The following PAQR3 variants were observed in gnomAD, a reference collection of about 807,000 sequenced individuals.
PAQR3 encodes progestin and adipoQ receptor family member 3.
Under a neutral mutation model 41.7 loss-of-function variants are expected in PAQR3, and 39 were observed. That is an observed-to-expected ratio of 0.93 (90% CI 0.72 to 1.22). PAQR3 has a LOEUF of 1.22. PAQR3 is among the 50% of genes most tolerant of loss of function. The pLI is 0.00. For synonymous variants in PAQR3, 140 were observed against 140.6 expected, an observed-to-expected ratio of 1.00 and a Z score of 0.03; for missense variants, 366 against 385.6, an observed-to-expected ratio of 0.95 and a Z score of 0.42.
At chr4:78,907,057 T>C (rs1734322459), downstream of PAQR3, among the ~76,000 whole-genome samples, 2 of 152,162 alleles carry the variant, frequency 1.3e-5, no homozygotes, top group Admixed American at 6.6e-5. Context: ...TGAATCATGG[T>C]TGTATCTAAA....
At position 78,918,007 on chromosome 4, in the gene PAQR3, T is replaced by G. The variant is rs1258115712; in HGVS notation, c.*2532A>C. 1 of 982,330 alleles carries G rather than the reference T, an allele frequency of 1.0e-6. No homozygotes were observed. The highest frequency in any genetic ancestry group is 1.2e-6 in the Non-Finnish European group (1 of 826,914). The allele number at this position is 982,330 out of a possible 1,614,324, so 60.9% of individuals were successfully genotyped here. On this transcript the variant is annotated 3_prime_UTR_variant, in exon 6 of 6. Transcript: ENST00000512733. ...ATGCAGCTTACTGAATTGCAGTTAG[T>G]GTAATAACAAAAAAAGACAAGCACT... is the stretch of plus-strand genomic sequence containing the variant.
At position 78,915,877 on chromosome 4, in the gene PAQR3, T is replaced by C. The variant is rs893041164; in HGVS notation, c.*4662A>G. 5 of 151,970 alleles carry C rather than the reference T, an allele frequency of 3.3e-5. No homozygotes were observed. The highest frequency in any genetic ancestry group is 2.1e-4 in the South Asian group (1 of 4,830). The allele number at this position is 151,970 out of a possible 1,614,324, so 9.4% of individuals were successfully genotyped here. A position where few individuals can be genotyped will look rare whatever the true frequency, so the allele number is the denominator to read the frequency against. On this transcript the variant is annotated 3_prime_UTR_variant, in exon 6 of 6. Coordinates refer to ENST00000512733, the MANE Select transcript of PAQR3 (RefSeq NM_001040202.2). Reference sequence around the variant, plus strand: ...TTTTATGACTATGCTCTTTTTGTGATTGAAAAGTCATCTAATAGAAGCTGT... The same window carrying C: ...TTTTATGACTATGCTCTTTTTGTGACTGAAAAGTCATCTAATAGAAGCTGT...
rs929271757 is a variant in PAQR3 at position 78,911,911 on chromosome 4, G to A, written c.*8628C>T. 1 of 1,613,856 alleles carries A rather than the reference G, an allele frequency of 6.2e-7. No individual in the cohort carries two copies. The highest frequency in any genetic ancestry group is 1.3e-5 in the African/African-American group (1 of 74,912). On this transcript the variant is annotated 3_prime_UTR_variant, in exon 6 of 6. Transcript: ENST00000512733. ...TAGTGCAGATGTATTGAAAATGGATGATTTTGGTGCCGTGCCCTTTACAGA... is the reference window on the plus strand; with the variant it reads ...TAGTGCAGATGTATTGAAAATGGATAATTTTGGTGCCGTGCCCTTTACAGA...
rs1455794444 is a variant in PAQR3, at chr4:78,913,265, A to G, written c.*7274T>C. The G allele has an allele frequency of 2.6e-5, 4 of 152,278 alleles. No individual in the cohort carries two copies. The allele number at this position is 152,278 out of a possible 1,614,324, so 9.4% of individuals were successfully genotyped here. On this transcript the variant is annotated 3_prime_UTR_variant, in exon 6 of 6. Transcript: ENST00000512733. ...ATATACCAGATCCTAAAATGCATAT[A>G]AGGTGGACTAGCATCTTAATTCTGC...
chr4:78,911,645 A>G (rs748324010), downstream of PAQR3: 7 of 1,613,868 alleles, frequency 4.3e-6, no homozygotes, highest in Admixed American at 1.7e-5. Flanking sequence ...CAAAGTAGCA[A>G]TGAATTTTTA....
intron 11 of PAQR3, among the ~76,000 whole-genome samples, chr4:78,900,514 T>G (rs944775820): frequency 1.3e-5 from 2 of 152,098 alleles, no homozygotes; most frequent in Non-Finnish European, 1.5e-5. Context: ...ACATAAAAAT[T>G]TTTCTCCTTG....
At chr4:78,911,656 A>T, downstream of PAQR3, 1 of 1,613,906 alleles carries the variant, frequency 6.2e-7, no homozygotes, top group Non-Finnish European at 8.5e-7. Flanking sequence ...TGAATTTTTA[A>T]CCATCTCAGA....
chr4:78,895,857 GCTCAAGCAGTCCTCCCAC>G (rs112747653), intron 11 of PAQR3, among the ~76,000 whole-genome samples: 4,192 of 152,122 alleles, frequency 0.028, 217 homozygotes, highest in African/African-American at 0.096. Flanking sequence ...GAACTCCTGA[GCTCAAGCAGTCCTCCCAC>G]CTTAGCCTCC....
chr4:78,907,362 A>G (rs969402226), downstream of PAQR3, among the ~76,000 whole-genome samples: 10 of 152,300 alleles, frequency 6.6e-5, no homozygotes, highest in African/African-American at 2.2e-4. Flanking sequence ...TGAAAACAGT[A>G]AATTTTAAGA....
chr4:78,911,380 A>ATT, downstream of PAQR3: 1 of 1,613,976 alleles, frequency 6.2e-7, no homozygotes, highest in South Asian at 1.1e-5. Flanking sequence ...CACATCAACA[A>ATT]GTAAAAGTGA....
chr4:78,918,012 TAAC>T lies in PAQR3; in HGVS notation c.*2524_*2526del, dbSNP rs1200272254. ...GCTTACTGAATTGCAGTTAGTGTAA[TAAC>T]AAAAAAAGACAAGCACTGTCTTGCT... is the stretch of plus-strand genomic sequence containing the variant. On this transcript the variant is annotated 3_prime_UTR_variant, in exon 6 of 6. Transcript: ENST00000512733. 1.2e-5 allele frequency: 12 copies of T among 982,432 alleles called. No individual in the cohort carries two copies. Among genetic ancestry groups the T allele is most frequent in the African/African-American group, 7.0e-5 (4 of 57,234 alleles). 60.9% of individuals were successfully genotyped at this position (982,432 alleles called of 1,614,324 possible). A position where few individuals can be genotyped will look rare whatever the true frequency, so the allele number is the denominator to read the frequency against.
chr4:78,910,519 G>A, downstream of PAQR3: 1 of 1,069,054 alleles, frequency 9.4e-7, no homozygotes, highest in South Asian at 1.8e-5. Context: ...TGAGGGATTT[G>A]TAATGCCATG....
rs944944326 is a variant in PAQR3 at position 78,913,292 on chromosome 4, A to C, written c.*7247T>G. The C allele has an allele frequency of 6.6e-6, 1 of 152,146 alleles. No individual in the cohort carries two copies. Among genetic ancestry groups the C allele is most frequent in the Non-Finnish European group, 1.5e-5 (1 of 67,994 alleles). The allele number at this position is 152,146 out of a possible 1,614,324, so 9.4% of individuals were successfully genotyped here. On this transcript the variant is annotated 3_prime_UTR_variant, in exon 6 of 6. Transcript: ENST00000512733. ...GGTGGACTAGCATCTTAATTCTGCT[A>C]GTTGATTGTGTCTTTACTGAAAAGA...
At chr4:78,922,473 C>T (rs1735751099) in intron 5 of PAQR3, 1 of 1,245,174 alleles carries the variant, frequency 8.0e-7, no homozygotes, top group Admixed American at 2.3e-5. Flanking sequence ...TTAAACTGCT[C>T]CCTGACTCAT....
Position 78,923,964 on chromosome 4 carries a change from GT to G in PAQR3, c.703-18del, listed in dbSNP as rs555738031. On this transcript the variant is annotated intron_variant, in intron 4 of 5. Transcript: ENST00000512733. ...TGCAAAGTCCTGAAAAGCAGAACAT[GT>G]TTTTTTACAGATCTTCCTACTGTTA... is the stretch of plus-strand genomic sequence containing the variant. The G allele has an allele frequency of 1.3e-6, 2 of 1,565,222 alleles. No homozygotes were observed. The highest frequency in any genetic ancestry group is 8.8e-7 in the Non-Finnish European group (1 of 1,136,326).
In PAQR3 at chr4:78,913,479, G is replaced by A. The variant is rs191068782; in HGVS notation, c.*7060C>T. The A allele has an allele frequency of 3.3e-5, 5 of 152,210 alleles. No homozygotes were observed. The highest frequency in any genetic ancestry group is 2.1e-4 in the South Asian group (1 of 4,824). The allele number at this position is 152,210 out of a possible 1,614,324, so 9.4% of individuals were successfully genotyped here. A position where few individuals can be genotyped will look rare whatever the true frequency, so the allele number is the denominator to read the frequency against. ...CTATTTTAAGATATAATTGTGCTGC[G>A]CTATCAGATTAACATTTGGAAGTTT... On this transcript the variant is annotated 3_prime_UTR_variant, in exon 6 of 6. Coordinates refer to ENST00000512733, the MANE Select transcript of PAQR3 (RefSeq NM_001040202.2).
intron 11 of PAQR3, among the ~76,000 whole-genome samples, chr4:78,902,798 T>C (rs1283990115): frequency 6.6e-6 from 1 of 152,136 alleles, no homozygotes; most frequent in Non-Finnish European, 1.5e-5. Flanking sequence ...ATGCATAGTA[T>C]GATGCAAACA....
intron 5 of PAQR3, chr4:78,921,549 TA>T (rs534101248): frequency 1.5e-4 from 96 of 657,922 alleles, no homozygotes; most frequent in Middle Eastern, 7.7e-4. Flanking sequence ...CCCATTTTTT[TA>T]AAAAACAAAA....
chr4:78,927,907 C>A (rs77193535), intron 3 of PAQR3, among the ~76,000 whole-genome samples: 2,505 of 152,264 alleles, frequency 0.016, 71 homozygotes, highest in African/African-American at 0.056. Flanking sequence ...GATCTAGGGT[C>A]CACAGTTTCC....
Sources: gnomAD v4.1 joint callset for allele counts (sites outside exome capture counted in the v4.1 genomes callset) on GRCh38, gnomAD v4.1.1 for gene constraint, MANE v1.5 for transcripts, NCBI Gene and HGNC (gene_info 2026-07-23, HGNC 2026-07-21) for gene names.